The following CDC25A variants were observed in gnomAD, a reference collection of about 807,000 sequenced individuals.
CDC25A encodes cell division cycle 25A, also known as M-phase inducer phosphatase 1.
A neutral mutation model predicts 64.6 loss-of-function variants in CDC25A; 17 were observed. The observed-to-expected ratio is 0.26, with a 90% CI of 0.18 to 0.39. The LOEUF (loss-of-function observed/expected upper bound fraction) is 0.39. Among genes scored for constraint, CDC25A ranks in the 10% least tolerant of loss-of-function variants. The pLI is 1.00. For missense variants in CDC25A, 473 were observed against 654.8 expected (o/e 0.72, Z 3.03); for synonymous variants, 229 against 238.6 (o/e 0.96, Z 0.37).
At chr3:48,165,491 C>G in intron 12 of CDC25A, 145 bp downstream of exon 12, 1 of 619,168 alleles carries the variant, frequency 1.6e-6, no homozygotes, top group Non-Finnish European at 2.9e-6. Context: ...CACCCGGAAT[C>G]AAATGCCTTC....
intron 1 of CDC25A, 115 bp from the exon 2 acceptor site, chr3:48,186,894 G>A (rs77636154): frequency 7.3e-6 from 5 of 684,164 alleles, no homozygotes; most frequent in Admixed American, 2.4e-5. Context: ...CCATTTCTAG[G>A]CCACACCACA....
chr3:48,186,696 T>A lies in CDC25A; in HGVS notation c.247+7A>T. 6.4e-7 allele frequency: 1 copy of A among 1,571,256 alleles called. No homozygotes were observed. Among genetic ancestry groups the A allele is most frequent in the South Asian group, 1.1e-5 (1 of 88,530 alleles). ...AGTATTGCTCCCCACACAGCAGACTTAAATACCTGAATCTGTTGACTCGGA... is the reference window on the plus strand; with the variant it reads ...AGTATTGCTCCCCACACAGCAGACTAAAATACCTGAATCTGTTGACTCGGA... On this transcript the variant is annotated splice_region_variant and intron_variant, in intron 2 of 14. Transcript: ENST00000302506.
chr3:48,173,598 T>C (rs2032347627), intron 9 of CDC25A, among the ~76,000 whole-genome samples: 1 of 152,182 alleles, frequency 6.6e-6, no homozygotes, highest in African/African-American at 2.4e-5. Context: ...TGCCCAGCTG[T>C]CATACAGTGC....
At chr3:48,162,169 T>A (rs113608963) in intron 13 of CDC25A, among the ~76,000 whole-genome samples, 6 of 152,298 alleles carry the variant, frequency 3.9e-5, no homozygotes, top group African/African-American at 1.4e-4. Flanking sequence ...AAGTGTCAAG[T>A]TGTACTGTAG....
intron 9 of CDC25A, among the ~76,000 whole-genome samples, chr3:48,168,429 G>C (rs1474171860): frequency 2.0e-5 from 3 of 149,650 alleles, no homozygotes; most frequent in Non-Finnish European, 3.0e-5. Flanking sequence ...GGTGGTGTGT[G>C]CCTGTAGTCC....
At chr3:48,162,516 C>T (rs2031817060) in intron 13 of CDC25A, among the ~76,000 whole-genome samples, 2 of 152,032 alleles carry the variant, frequency 1.3e-5, no homozygotes, top group Non-Finnish European at 2.9e-5. Context: ...TTACAGGTGC[C>T]ACTGTGCCCA....
intron 8 of CDC25A, among the ~76,000 whole-genome samples, chr3:48,175,961 T>TCG (rs368545402): frequency 6.6e-6 from 1 of 152,302 alleles, no homozygotes; most frequent in African/African-American, 2.4e-5. Flanking sequence ...GGTCAAGAGT[T>TCG]CGAGACCAGC....
chr3:48,162,144 T>C (rs1224928205), intron 13 of CDC25A, among the ~76,000 whole-genome samples: 1 of 152,180 alleles, frequency 6.6e-6, no homozygotes, highest in Non-Finnish European at 1.5e-5. Context: ...GAAGGACTTA[T>C]GAGATGACAG....
In CDC25A at chr3:48,157,649, A is replaced by C. The variant is rs2031573858; in HGVS notation, c.*1296T>G. On this transcript the variant is annotated 3_prime_UTR_variant, in exon 15 of 15. Transcript: ENST00000302506. ...GATGAGGTGTTCTTTTGAAATTCCC[A>C]CTTTTATGGAGTTAGATAAGGGGAC... 6.6e-6 allele frequency: 1 copy of C among 152,490 alleles called. No homozygotes were observed. Among genetic ancestry groups the C allele is most frequent in the African/African-American group, 2.4e-5 (1 of 41,392 alleles). The allele number at this position is 152,490 out of a possible 1,614,324, so 9.4% of individuals were successfully genotyped here.
intron 9 of CDC25A, among the ~76,000 whole-genome samples, chr3:48,169,409 C>T (rs906014216): frequency 6.6e-6 from 1 of 152,172 alleles, no homozygotes; most frequent in Non-Finnish European, 1.5e-5. Context: ...ACAAATAGAA[C>T]TGGAATTCAA....
At chr3:48,184,306 G>C (rs561791462) in intron 3 of CDC25A, among the ~76,000 whole-genome samples, 8 of 152,126 alleles carry the variant, frequency 5.3e-5, no homozygotes, top group African/African-American at 1.9e-4. Flanking sequence ...AGGTTGCAGT[G>C]AGCCACTGCA....
intron 6 of CDC25A, among the ~76,000 whole-genome samples, chr3:48,180,108 A>G (rs1192781240): frequency 1.3e-5 from 2 of 152,102 alleles, no homozygotes; most frequent in African/African-American, 4.8e-5. Context: ...AAAAATTAAA[A>G]ATAAAAAAAA....
chr3:48,176,690 G>GC (rs2032474699), intron 8 of CDC25A, among the ~76,000 whole-genome samples: 1 of 151,596 alleles, frequency 6.6e-6, no homozygotes, highest in South Asian at 2.1e-4. Context: ...AAAACATCCA[G>GC]CCAGGCACAG....
In CDC25A at chr3:48,188,241, G is replaced by C. The variant is rs971658324; in HGVS notation, c.-294C>G. ...CTGAAGATTAAATCCAAACAAACGT[G>C]GCGGGTCGGCAAGAGAAGCCGGGCG... On this transcript the variant is annotated 5_prime_UTR_variant, in exon 1 of 15. Transcript: ENST00000302506. 4.0e-5 allele frequency: 11 copies of C among 271,880 alleles called. No homozygotes were observed. Among genetic ancestry groups the C allele is most frequent in the Non-Finnish European group, 6.9e-5 (10 of 145,944 alleles). 16.8% of individuals were successfully genotyped at this position (271,880 alleles called of 1,614,324 possible). A position where few individuals can be genotyped will look rare whatever the true frequency, so the allele number is the denominator to read the frequency against.
Position 48,174,381 on chromosome 3 carries a change from C to T in CDC25A, c.833G>A (p.Arg278Gln), listed in dbSNP as rs764925971. 5 of 1,614,174 alleles carry T rather than the reference C, an allele frequency of 3.1e-6. No homozygotes were observed. In the Admixed American group the frequency reaches 8.3e-5, roughly 27 times the overall value. The change falls in exon 9 of 15, where the codon CGA becomes CAA. Residue 278 changes from arginine to glutamine, a missense_variant. Arg to Gln is a conservative substitution (Grantham distance 43). Transcript: ENST00000302506. ...STRSVLKRPE[R>Q]SQEESPPGST... is the part of the protein sequence containing the mutation. ...TCCAGGTGGAGACTCCTCTTGAGAT[C>T]GTTCTGGTCTCTTCAACACTGACCG...
rs1005637198 is a variant in CDC25A, at chr3:48,186,795, A to G, written c.171-16T>C. 10 of 1,526,818 alleles carry G rather than the reference A, an allele frequency of 6.5e-6. No homozygotes were observed. The African/African-American group carries it at 1.1e-4, about 17-fold the overall frequency. 94.6% of individuals were successfully genotyped at this position (1,526,818 alleles called of 1,614,324 possible). On this transcript the variant is annotated splice_polypyrimidine_tract_variant and intron_variant, in intron 1 of 14. Coordinates refer to ENST00000302506, the MANE Select transcript of CDC25A (RefSeq NM_001789.3). The stretch of plus-strand genomic sequence containing the variant: ...CTCATAATCACTGAAACCAACAGAA[A>G]TAAACCATGAATGATTTATAGGATA...
chr3:48,183,681 A>C, intron 4 of CDC25A, 119 bp downstream of exon 4: 1 of 683,506 alleles, frequency 1.5e-6, no homozygotes, highest in Non-Finnish European at 2.6e-6. Context: ...ACCTTGTCTC[A>C]AAAGAGACTA....
chr3:48,186,641 G>T, intron 2 of CDC25A, 62 bp downstream of exon 2: 1 of 1,030,204 alleles, frequency 9.7e-7, no homozygotes, highest in Non-Finnish European at 1.5e-6. Context: ...CTAACCTCCT[G>T]GGTGAAAAGG....
intron 13 of CDC25A, among the ~76,000 whole-genome samples, chr3:48,161,894 C>T (rs1017302338): frequency 6.6e-6 from 1 of 152,102 alleles, no homozygotes; most frequent in African/African-American, 2.4e-5. Context: ...AACCCCGTCT[C>T]TACTAAAAAT....
Sources: gnomAD v4.1 joint callset for allele counts (sites outside exome capture counted in the v4.1 genomes callset) on GRCh38, gnomAD v4.1.1 for gene constraint, MANE v1.5 for transcripts, NCBI Gene and HGNC (gene_info 2026-07-23, HGNC 2026-07-21) for gene names.